Variants in ZCCHC7 observed in about 807,000 individuals in gnomAD.
ZCCHC7 encodes zinc finger CCHC-type containing 7.
In ZCCHC7, 35 loss-of-function variants were observed where a neutral mutation model predicts 52.0. The ratio of observed to expected loss-of-function variants is 0.67; its 90% CI spans 0.51 to 0.89. ZCCHC7 has a LOEUF of 0.89. Ranked by LOEUF, ZCCHC7 falls within the 40% of genes least tolerant of loss-of-function variation. ZCCHC7 has a pLI of 0.00. For missense variants in ZCCHC7, 574 were observed against 649.1 expected (o/e 0.88, Z 1.26); for synonymous variants, 217 against 221.5 (o/e 0.98, Z 0.18).
intron 2 of ZCCHC7, among the ~76,000 whole-genome samples, chr9:37,196,112 A>G (rs1489837483): frequency 2.6e-5 from 4 of 152,182 alleles, no homozygotes; most frequent in Non-Finnish European, 5.9e-5. Flanking sequence ...ATATATAAAT[A>G]TATATAAATA....
intron 2 of ZCCHC7, among the ~76,000 whole-genome samples, chr9:37,185,896 A>G (rs1335089026): frequency 6.6e-6 from 1 of 152,188 alleles, no homozygotes; most frequent in Admixed American, 6.5e-5. Flanking sequence ...TTGATGCACT[A>G]TCAGGAATAT....
At chr9:37,245,824 A>G (rs776761939) in intron 2 of ZCCHC7, among the ~76,000 whole-genome samples, 3 of 152,190 alleles carry the variant, frequency 2.0e-5, no homozygotes, top group Middle Eastern at 3.4e-3. Context: ...TTGCAGGTTC[A>G]GAGAATAGCA....
intron 2 of ZCCHC7, among the ~76,000 whole-genome samples, chr9:37,232,010 A>G (rs557119347): frequency 5.9e-5 from 9 of 152,328 alleles, no homozygotes; most frequent in South Asian, 2.1e-4. Context: ...GCAAACAGCA[A>G]TGTATTGTGT....
chr9:37,207,369 T>C (rs1271471696), intron 2 of ZCCHC7, among the ~76,000 whole-genome samples: 1 of 152,172 alleles, frequency 6.6e-6, no homozygotes, highest in Non-Finnish European at 1.5e-5. Flanking sequence ...TAATGTGTCA[T>C]TTTTCTCTGC....
intron 8 of ZCCHC7, among the ~76,000 whole-genome samples, chr9:37,355,354 C>T (rs918824239): frequency 5.9e-5 from 9 of 152,330 alleles, no homozygotes; most frequent in African/African-American, 1.7e-4. Context: ...TAAGTTTTCT[C>T]TACCTCTGTT....
At chr9:37,328,007 C>G (rs1376828390) in intron 6 of ZCCHC7, among the ~76,000 whole-genome samples, 173 bp downstream of exon 6, 1 of 152,016 alleles carries the variant, frequency 6.6e-6, no homozygotes, top group Non-Finnish European at 1.5e-5. Context: ...CTGCCCCCTA[C>G]CCTATCTTCC....
intron 2 of ZCCHC7, among the ~76,000 whole-genome samples, chr9:37,171,571 C>T (rs1821729729): frequency 6.6e-6 from 1 of 152,070 alleles, no homozygotes; most frequent in Non-Finnish European, 1.5e-5. Flanking sequence ...GTGCATGCCA[C>T]CATGCCCAGC....
intron 7 of ZCCHC7, among the ~76,000 whole-genome samples, chr9:37,353,965 A>T (rs945589018): frequency 5.3e-5 from 8 of 152,206 alleles, no homozygotes; most frequent in Non-Finnish European, 1.0e-4. Flanking sequence ...AAAGCCTGCT[A>T]TGTGGTGAGT....
intron 2 of ZCCHC7, among the ~76,000 whole-genome samples, chr9:37,266,523 T>A (rs890893436): frequency 4.6e-5 from 7 of 152,218 alleles, no homozygotes; most frequent in African/African-American, 1.4e-4. Flanking sequence ...ACTCCTGTTA[T>A]TAATTTTTAA....
At chr9:37,351,533 C>G (rs1821378250) in intron 7 of ZCCHC7, among the ~76,000 whole-genome samples, 1 of 152,186 alleles carries the variant, frequency 6.6e-6, no homozygotes, top group Non-Finnish European at 1.5e-5. Flanking sequence ...TCTCAAACTC[C>G]TGGCCTCAAG....
At chr9:37,328,179 ACAGTCCACAAGCATT>A (rs1014407241) in intron 6 of ZCCHC7, among the ~76,000 whole-genome samples, 15 of 152,046 alleles carry the variant, frequency 9.9e-5, no homozygotes, top group African/African-American at 3.4e-4. Context: ...TGTATTATCC[ACAGTCCACAAGCATT>A]CAGTCCACAG....
intron 1 of ZCCHC7, chr9:37,120,873 C>T: frequency 4.9e-6 from 1 of 204,254 alleles, no homozygotes; most frequent in Non-Finnish European, 9.8e-6. Context: ...GATTCTAGAG[C>T]GGCTGGGCGT....
At chr9:37,153,954 A>G (rs1457351196) in intron 2 of ZCCHC7, among the ~76,000 whole-genome samples, 1 of 152,106 alleles carries the variant, frequency 6.6e-6, no homozygotes, top group Non-Finnish European at 1.5e-5. Context: ...CAGTGGTACA[A>G]TCACGGTTCA....
chr9:37,187,043 G>C, intron 2 of ZCCHC7: 1 of 189,646 alleles, frequency 5.3e-6, no homozygotes, highest in Non-Finnish European at 1.1e-5. Flanking sequence ...CAAATACATT[G>C]ATATTTTACT....
chr9:37,124,439 A>G (rs1274857169), intron 1 of ZCCHC7, among the ~76,000 whole-genome samples: 1 of 151,800 alleles, frequency 6.6e-6, no homozygotes, highest in African/African-American at 2.4e-5. Flanking sequence ...TCATTTATTC[A>G]TTTATGAATT....
chr9:37,233,114 C>T (rs1276212007), intron 2 of ZCCHC7, among the ~76,000 whole-genome samples: 1 of 152,096 alleles, frequency 6.6e-6, no homozygotes, highest in Non-Finnish European at 1.5e-5. Flanking sequence ...TACAGATGCT[C>T]CTTAACTTAC....
intron 6 of ZCCHC7, among the ~76,000 whole-genome samples, chr9:37,339,454 T>C (rs1377580255): frequency 1.3e-5 from 2 of 152,220 alleles, no homozygotes; most frequent in Non-Finnish European, 2.9e-5. Flanking sequence ...AGCCTCTGCT[T>C]TGGTTCAGTT....
chr9:37,303,655 C>CTTTTTTTTTTTTTTTT (rs74182940), intron 3 of ZCCHC7, among the ~76,000 whole-genome samples: 2 of 56,774 alleles, frequency 3.5e-5, no homozygotes, highest in African/African-American at 7.9e-5. Context: ...TTTTCTACCT[C>CTTTTTTTTTTTTTTTT]TTTTTTTTTT....
chr9:37,278,032 GTGTGTTT>G (rs1011590613), intron 2 of ZCCHC7, among the ~76,000 whole-genome samples: 13 of 66,348 alleles, frequency 2.0e-4, no homozygotes, highest in African/African-American at 7.7e-4. Context: ...GTGTGTGTGT[GTGTGTTT>G]TGTTTTGTTT....
Sources: allele counts gnomAD v4.1 joint callset (sites outside exome capture counted in the v4.1 genomes callset), GRCh38; gene constraint gnomAD v4.1.1; transcripts MANE v1.5; gene names NCBI Gene and HGNC (gene_info 2026-07-23, HGNC 2026-07-21).